FSTL5: variants seen among roughly 807,000 people sequenced by gnomAD.
The protein encoded by FSTL5 is follistatin like 5.
Under a neutral mutation model 89.1 loss-of-function variants are expected in FSTL5, and 62 were observed. The ratio of observed to expected loss-of-function variants is 0.70; its 90% CI spans 0.57 to 0.86. The LOEUF (loss-of-function observed/expected upper bound fraction) is 0.86, where lower values mean the gene tolerates loss of function less well. Among genes scored for constraint, FSTL5 ranks in the 40% least tolerant of loss-of-function variants. The probability of loss-of-function intolerance (pLI) is 0.00; values close to 1 mark genes in which losing one functional copy is unlikely to be tolerated. For missense variants in FSTL5, 1,057 were observed against 1,001.6 expected (o/e 1.06, Z -0.75); for synonymous variants, 383 against 346.2 (o/e 1.11, Z -1.18).
At chr4:161,634,270 C>T (rs935471466) in intron 7 of FSTL5, among the ~76,000 whole-genome samples, 5 of 152,232 alleles carry the variant, frequency 3.3e-5, no homozygotes, top group African/African-American at 9.6e-5. Flanking sequence ...ACCTCCTTTC[C>T]TAAAGAAAGG....
intron 8 of FSTL5, among the ~76,000 whole-genome samples, chr4:161,543,945 T>C (rs1731919511): frequency 1.3e-5 from 2 of 151,816 alleles, no homozygotes; most frequent in South Asian, 2.1e-4. Context: ...TATAAAAAAG[T>C]ATAAACACAA....
At chr4:162,033,391 CA>C (rs1737612041) in intron 3 of FSTL5, among the ~76,000 whole-genome samples, 2 of 151,994 alleles carry the variant, frequency 1.3e-5, no homozygotes, top group South Asian at 4.1e-4. Context: ...ACAATAACAA[CA>C]AAAAAGTTGA....
At chr4:161,867,440 G>T (rs1732129590) in intron 4 of FSTL5, among the ~76,000 whole-genome samples, 1 of 151,780 alleles carries the variant, frequency 6.6e-6, no homozygotes, top group African/African-American at 2.4e-5. Context: ...TAAAGACAAA[G>T]AAATGCAAAT....
chr4:161,698,470 T>C (rs1738263962), intron 6 of FSTL5, among the ~76,000 whole-genome samples: 1 of 152,152 alleles, frequency 6.6e-6, no homozygotes, highest in Non-Finnish European at 1.5e-5. Flanking sequence ...CTATAGTCAA[T>C]GATGAGGTAT....
At chr4:161,598,492 AG>A (rs1386852941) in intron 7 of FSTL5, among the ~76,000 whole-genome samples, 1 of 152,164 alleles carries the variant, frequency 6.6e-6, no homozygotes, top group Non-Finnish European at 1.5e-5. Flanking sequence ...ATCCTGAAAT[AG>A]AAAGAGAAAA....
At chr4:161,464,554 A>G (rs552845578) in intron 13 of FSTL5, among the ~76,000 whole-genome samples, 25 of 152,118 alleles carry the variant, frequency 1.6e-4, no homozygotes, top group Non-Finnish European at 1.2e-4. Context: ...GTATTTTAGT[A>G]TATTTATTTC....
chr4:161,541,797 G>T (rs1194786701), intron 9 of FSTL5, among the ~76,000 whole-genome samples: 2 of 151,928 alleles, frequency 1.3e-5, no homozygotes, highest in Non-Finnish European at 2.9e-5. Flanking sequence ...TAAAATGAGT[G>T]TTGTGTGTTA....
At chr4:161,634,955 A>G (rs1042225329) in intron 7 of FSTL5, among the ~76,000 whole-genome samples, 3 of 152,220 alleles carry the variant, frequency 2.0e-5, no homozygotes, top group Non-Finnish European at 2.9e-5. Flanking sequence ...TCCTTTCGCA[A>G]TGTATATGTG....
At chr4:162,010,542 C>T (rs1031408033) in intron 3 of FSTL5, among the ~76,000 whole-genome samples, 2 of 152,150 alleles carry the variant, frequency 1.3e-5, no homozygotes, top group Non-Finnish European at 2.9e-5. Flanking sequence ...GATTTTAGAA[C>T]ATTTTCATAA....
chr4:161,751,011 G>A (rs1002488440), intron 6 of FSTL5, among the ~76,000 whole-genome samples: 6 of 151,832 alleles, frequency 4.0e-5, no homozygotes, highest in Middle Eastern at 3.4e-3. Flanking sequence ...CACTTGAACT[G>A]TCTAATTGTG....
chr4:161,600,759 G>A (rs1406580942), intron 7 of FSTL5, among the ~76,000 whole-genome samples: 1 of 152,036 alleles, frequency 6.6e-6, no homozygotes, highest in African/African-American at 2.4e-5. Context: ...TAAAATCCTG[G>A]TAACTCTTGT....
rs1741030280 is a variant in FSTL5 at position 161,766,933 on chromosome 4, TAGA to T, written c.607-7405_607-7403del. 2.0e-5 allele frequency among the ~76,000 whole-genome samples: 3 copies of T among 152,096 alleles called. No homozygotes were observed. In the East Asian group the frequency reaches 5.8e-4, roughly 30 times the overall value. On this transcript the variant is annotated intron_variant, in intron 5 of 15. Coordinates refer to ENST00000306100, the MANE Select transcript of FSTL5 (RefSeq NM_020116.5). ...ATTGATAGATAGATAGATAGATAGA[TAGA>T]TAGATAGATAGATAGATAGATCTCA... is the stretch of plus-strand genomic sequence containing the variant.
chr4:161,415,653 C>CATATAT (rs200742664), intron 15 of FSTL5, among the ~76,000 whole-genome samples: 2 of 147,808 alleles, frequency 1.4e-5, no homozygotes, highest in African/African-American at 5.0e-5. Context: ...ATAGGGGATA[C>CATATAT]ATATATATAT....
chr4:162,001,299 T>C (rs1186758780), intron 3 of FSTL5, among the ~76,000 whole-genome samples: 2 of 151,676 alleles, frequency 1.3e-5, no homozygotes, highest in Admixed American at 6.5e-5. Context: ...TATACCTATA[T>C]CTATCTGTCT....
intron 2 of FSTL5, among the ~76,000 whole-genome samples, chr4:162,087,659 T>C (rs1730373965): frequency 6.6e-6 from 1 of 152,124 alleles, no homozygotes. Flanking sequence ...AAATATTCCA[T>C]CGTCATTCGA....
chr4:161,966,338 A>T (rs935959197), intron 3 of FSTL5, among the ~76,000 whole-genome samples: 4 of 152,062 alleles, frequency 2.6e-5, no homozygotes, highest in African/African-American at 9.7e-5. Flanking sequence ...CTAACTATTA[A>T]AAAAACACTA....
chr4:161,513,272 GGAGAGAGA>G (rs6148753), intron 10 of FSTL5, among the ~76,000 whole-genome samples: 5,443 of 109,904 alleles, frequency 0.05, 416 homozygotes, highest in African/African-American at 0.16. Flanking sequence ...ACAAGGAGGG[GGAGAGAGA>G]GAGAGAGAGA....
chr4:161,721,500 T>C (rs2126751796), intron 6 of FSTL5, among the ~76,000 whole-genome samples: 1 of 152,232 alleles, frequency 6.6e-6, no homozygotes, highest in East Asian at 1.9e-4. Context: ...AAGTTGTGTA[T>C]ATTACATACA....
In FSTL5 at chr4:162,163,648, G is replaced by A. The variant is rs866382728; in HGVS notation, c.-50C>T. The stretch of plus-strand genomic sequence containing the variant: ...AACAGTCACAAAAGTCCCCCAGAAA[G>A]ATTCCTAAACGCTGTGGAAATATAA... On this transcript the variant is annotated 5_prime_UTR_variant, in exon 1 of 16. Coordinates refer to ENST00000306100, the MANE Select transcript of FSTL5 (RefSeq NM_020116.5). The A allele has an allele frequency of 9.3e-5, 14 of 150,108 alleles. No individual in the cohort carries two copies. The highest frequency in any genetic ancestry group is 2.7e-4 in the African/African-American group (11 of 40,850). The allele number at this position is 150,108 out of a possible 1,614,324, so 9.3% of individuals were successfully genotyped here.
Sources: gnomAD v4.1 joint callset for allele counts (sites outside exome capture counted in the v4.1 genomes callset) on GRCh38, gnomAD v4.1.1 for gene constraint, MANE v1.5 for transcripts, NCBI Gene and HGNC (gene_info 2026-07-23, HGNC 2026-07-21) for gene names.